The following DIS3L2 variants were observed in gnomAD, a reference collection of about 807,000 sequenced individuals.
DIS3L2 encodes the protein DIS3 like 3'-5' exoribonuclease 2, also known as DIS3-like exonuclease 2.
DIS3L2 carries 34 observed loss-of-function variants against 97.5 expected under a neutral mutation model. The observed-to-expected ratio is 0.35, with a 90% CI of 0.27 to 0.46. The LOEUF is 0.46. Ranked by LOEUF, DIS3L2 falls within the 20% of genes least tolerant of loss-of-function variation. The probability of loss-of-function intolerance (pLI) is 1.00; values close to 1 mark genes in which losing one functional copy is unlikely to be tolerated. For missense variants in DIS3L2, 1,038 were observed against 1,146.0 expected, an observed-to-expected ratio of 0.91 and a Z score of 1.36; for synonymous variants, 435 against 445.2, an observed-to-expected ratio of 0.98 and a Z score of 0.29.
intron 6 of DIS3L2, among the ~76,000 whole-genome samples, chr2:232,118,144 G>A (rs781435325): frequency 5.3e-5 from 8 of 152,174 alleles, no homozygotes; most frequent in Non-Finnish European, 1.2e-4. Context: ...CTATGTGGCC[G>A]CATGCTTTAT....
intron 5 of DIS3L2, among the ~76,000 whole-genome samples, chr2:232,069,458 C>T (rs1299174399): frequency 6.6e-6 from 1 of 152,056 alleles, no homozygotes; most frequent in Non-Finnish European, 1.5e-5. Context: ...TTAAAATGAT[C>T]CTACTTGAGC....
chr2:232,219,594 A>G (rs1692437919), intron 10 of DIS3L2, among the ~76,000 whole-genome samples: 1 of 152,096 alleles, frequency 6.6e-6, no homozygotes, highest in Non-Finnish European at 1.5e-5. Flanking sequence ...GTCATGTCTC[A>G]GTGGTACCTA....
At chr2:232,137,251 A>G (rs955112753) in intron 8 of DIS3L2, among the ~76,000 whole-genome samples, 25 of 152,226 alleles carry the variant, frequency 1.6e-4, no homozygotes, top group Admixed American at 1.6e-3. Context: ...TCAGAGATCA[A>G]TCTAACTTAA....
intron 13 of DIS3L2, among the ~76,000 whole-genome samples, chr2:232,271,330 G>A (rs1410885766): frequency 2.6e-5 from 4 of 152,122 alleles, no homozygotes; most frequent in African/African-American, 9.7e-5. Flanking sequence ...TACCTCCTGC[G>A]TGTATTACCT....
intron 9 of DIS3L2, among the ~76,000 whole-genome samples, chr2:232,208,471 C>T (rs574125938): frequency 3.3e-5 from 5 of 152,218 alleles, no homozygotes; most frequent in South Asian, 4.1e-4. Context: ...CCACCATGCC[C>T]GGCTAATTTT....
chr2:232,120,938 C>G (rs1697883643), intron 6 of DIS3L2, among the ~76,000 whole-genome samples: 1 of 152,090 alleles, frequency 6.6e-6, no homozygotes, highest in African/African-American at 2.4e-5. Flanking sequence ...CCACTTCAAC[C>G]ACACCTTCTT....
Position 232,329,797 on chromosome 2 carries a change from C to T in DIS3L2, c.1740-16C>T, listed in dbSNP as rs1695679672. Reference sequence around the variant, plus strand: ...CAAACCCCAGCGGTCCCTCCCATCCCACCCACCCTCTGCAGGCTCGTGGAG... The same window carrying T: ...CAAACCCCAGCGGTCCCTCCCATCCTACCCACCCTCTGCAGGCTCGTGGAG... On this transcript the variant is annotated splice_polypyrimidine_tract_variant and intron_variant, in intron 14 of 20. Transcript: ENST00000325385. 1.1e-6 allele frequency: 1 copy of T among 892,910 alleles called. No homozygotes were observed. The highest frequency in any genetic ancestry group is 1.6e-6 in the Non-Finnish European group (1 of 638,548). The allele number at this position is 892,910 out of a possible 1,614,324, so 55.3% of individuals were successfully genotyped here.
intron 11 of DIS3L2, among the ~76,000 whole-genome samples, chr2:232,243,574 T>C (rs1693165567): frequency 6.6e-6 from 1 of 152,062 alleles, no homozygotes; most frequent in African/African-American, 2.4e-5. Flanking sequence ...CTTATGAGAG[T>C]TTACCAATGT....
At chr2:232,094,029 G>C (rs2106316231) in intron 6 of DIS3L2, among the ~76,000 whole-genome samples, 1 of 151,942 alleles carries the variant, frequency 6.6e-6, no homozygotes, top group South Asian at 2.1e-4. Context: ...TTTTGAATAT[G>C]CTGTGATTCC....
At chr2:231,976,499 C>T (rs531855602) in intron 1 of DIS3L2, among the ~76,000 whole-genome samples, 1 of 151,476 alleles carries the variant, frequency 6.6e-6, no homozygotes, top group Non-Finnish European at 1.5e-5. Context: ...TATGGTGGTG[C>T]GTGCCTATAG....
chr2:232,054,014 G>A (rs1307084809), intron 5 of DIS3L2, among the ~76,000 whole-genome samples: 1 of 152,152 alleles, frequency 6.6e-6, no homozygotes, highest in Non-Finnish European at 1.5e-5. Context: ...TCCCTCATTA[G>A]CATAAACTGA....
chr2:232,090,250 CA>C lies in DIS3L2; in HGVS notation c.601+2531del, dbSNP rs1401895209. 3.3e-5 allele frequency among the ~76,000 whole-genome samples: 5 copies of C among 152,048 alleles called. No homozygotes were observed. In the East Asian group the frequency reaches 9.7e-4, roughly 29 times the overall value. On this transcript the variant is annotated intron_variant, in intron 6 of 20. Transcript: ENST00000325385. ...GTGCCTGGCCCCTCCCTCTTTCTTA[CA>C]AGTAAATATCACTGAGTACGTTACA...
intron 7 of DIS3L2, chr2:232,131,045 G>A (rs775833727): frequency 3.9e-6 from 1 of 258,600 alleles, no homozygotes; most frequent in South Asian, 1.3e-4. Flanking sequence ...TTAGACAGTG[G>A]AGAAGCAGTA....
In DIS3L2 at chr2:232,087,673, G is replaced by T; in HGVS notation, c.553G>T (p.Val185Leu). The T allele has an allele frequency of 6.2e-7, 1 of 1,614,184 alleles. No individual in the cohort carries two copies. The highest frequency in any genetic ancestry group is 1.1e-5 in the South Asian group (1 of 91,074). ...AGATGGACATGGCATCACACAAAAT[G>T]TGCTGGTTGATGGTGTTAAGAAACT... The part of the protein sequence containing the change: ...SEDGHGITQN[V>L]LVDGVKKLSV... The change falls in exon 6 of 21, where the codon GTG becomes TTG. Residue 185 changes from valine to leucine, a missense_variant. Transcript: ENST00000325385.
chr2:232,160,895 ATTAT>A lies in DIS3L2; in HGVS notation c.951-2562_951-2559del, dbSNP rs1484058066. 2.6e-5 allele frequency among the ~76,000 whole-genome samples: 4 copies of A among 152,062 alleles called. No homozygotes were observed. The East Asian group carries it at 7.7e-4, about 29-fold the overall frequency. ...TTTTTTGTTTTATTGATTTGTTTTC[ATTAT>A]TCATTCATTTTTGTTTGTTTGTTTG... On this transcript the variant is annotated intron_variant, in intron 8 of 20. Coordinates refer to ENST00000325385, the MANE Select transcript of DIS3L2 (RefSeq NM_152383.5).
At chr2:232,163,374 C>T in intron 8 of DIS3L2, 85 bp from the exon 9 acceptor site, 1 of 1,416,300 alleles carries the variant, frequency 7.1e-7, no homozygotes, top group Non-Finnish European at 9.5e-7. Flanking sequence ...TAAACTTTCC[C>T]ACTACTTTAC....
intron 7 of DIS3L2, 134 bp downstream of exon 7, chr2:232,130,853 G>C: frequency 8.0e-7 from 1 of 1,251,978 alleles, no homozygotes; most frequent in East Asian, 2.9e-5. Flanking sequence ...ATCATAAAAA[G>C]TGAATTAAAA....
intron 10 of DIS3L2, among the ~76,000 whole-genome samples, chr2:232,219,777 T>G (rs1481658609): frequency 6.6e-6 from 1 of 152,164 alleles, no homozygotes; most frequent in African/African-American, 2.4e-5. Flanking sequence ...GTCTTCATTT[T>G]ATCTTGTCAT....
intron 5 of DIS3L2, among the ~76,000 whole-genome samples, chr2:232,040,200 A>T (rs1695070136): frequency 6.6e-6 from 1 of 152,198 alleles, no homozygotes; most frequent in Admixed American, 6.5e-5. Flanking sequence ...TTATTTCAAG[A>T]TGAGAATGAT....
Sources: gnomAD v4.1 joint callset for allele counts (sites outside exome capture counted in the v4.1 genomes callset) on GRCh38, gnomAD v4.1.1 for gene constraint, MANE v1.5 for transcripts, NCBI Gene and HGNC (gene_info 2026-07-23, HGNC 2026-07-21) for gene names.